Variants in PPM1H observed in about 807,000 individuals in gnomAD.
The protein encoded by PPM1H is protein phosphatase, Mg2+/Mn2+ dependent 1H.
Under a neutral mutation model 54.9 loss-of-function variants are expected in PPM1H, and 27 were observed. The observed-to-expected ratio is 0.49, with a 90% CI of 0.36 to 0.68. The LOEUF is 0.68. PPM1H is among the 30% of genes least tolerant of loss of function. The pLI, the probability that PPM1H is intolerant of heterozygous loss-of-function variation, is 0.00. For missense variants in PPM1H, 596 were observed against 667.8 expected, an observed-to-expected ratio of 0.89 and a Z score of 1.19; for synonymous variants, 305 against 270.8, an observed-to-expected ratio of 1.13 and a Z score of -1.24.
intron 1 of PPM1H, among the ~76,000 whole-genome samples, chr12:62,860,269 A>AC (rs1234729255): frequency 6.6e-6 from 1 of 151,994 alleles, no homozygotes; most frequent in Non-Finnish European, 1.5e-5. Context: ...GGGGGTAACC[A>AC]CCCCCACGAT....
At chr12:62,694,065 C>T (rs969543795) in intron 6 of PPM1H, 66 bp from the exon 7 acceptor site, 71 of 1,388,632 alleles carry the variant, frequency 5.1e-5, no homozygotes, top group Non-Finnish European at 6.6e-5. Context: ...GCCCTGACAC[C>T]GACTGCTAGG....
chr12:62,665,411 G>T (rs2075912349), intron 9 of PPM1H, among the ~76,000 whole-genome samples: 1 of 152,104 alleles, frequency 6.6e-6, no homozygotes, highest in African/African-American at 2.4e-5. Flanking sequence ...TGAATCTTAG[G>T]TTTAGTATTG....
chr12:62,667,132 G>A, intron 9 of PPM1H, 46 bp downstream of exon 9: 11 of 1,494,616 alleles, frequency 7.4e-6, no homozygotes, highest in South Asian at 1.2e-5. Flanking sequence ...GCATGTCATG[G>A]AAGAATGCTT....
intron 1 of PPM1H, among the ~76,000 whole-genome samples, chr12:62,890,743 CACACACACACACAT>C (rs1870762928): frequency 2.0e-5 from 3 of 148,562 alleles, no homozygotes; most frequent in African/African-American, 7.8e-5. Flanking sequence ...CACACACACA[CACACACACACACAT>C]ATATATATAT....
rs1376035965 is a variant in PPM1H, at chr12:62,844,931, C to G, written c.246-12652G>C. ...ATAAGCACTTCTACTAGGAAATGAG[C>G]TTGGGAGTAGGATATGTTAAAGTGA... On this transcript the variant is annotated intron_variant, in intron 1 of 9. Coordinates refer to ENST00000228705, the MANE Select transcript of PPM1H (RefSeq NM_020700.2). This position sits in a 1 kb window ranked among gnomAD's most constrained non-coding sequence, Gnocchi z 5.2. 6.6e-6 allele frequency among the ~76,000 whole-genome samples: 1 copy of G among 152,178 alleles called. No individual in the cohort carries two copies. The highest frequency in any genetic ancestry group is 2.4e-5 in the African/African-American group (1 of 41,458).
At chr12:62,929,987 G>C (rs1872082727) in intron 1 of PPM1H, among the ~76,000 whole-genome samples, 2 of 152,138 alleles carry the variant, frequency 1.3e-5, no homozygotes, top group South Asian at 4.1e-4. Flanking sequence ...GTCAGTAAGA[G>C]GGGCAGGTAT....
chr12:62,665,298 C>A (rs577149896), intron 9 of PPM1H, among the ~76,000 whole-genome samples: 1 of 152,310 alleles, frequency 6.6e-6, no homozygotes, highest in South Asian at 2.1e-4. Context: ...ATCTGCCCGC[C>A]TCCACCTCCC....
At chr12:62,727,193 A>C (rs1165107349) in intron 5 of PPM1H, among the ~76,000 whole-genome samples, 1 of 152,160 alleles carries the variant, frequency 6.6e-6, no homozygotes, top group Non-Finnish European at 1.5e-5. Context: ...GCCATGAGCC[A>C]CCATGCCCGG....
At chr12:62,861,933 A>T (rs1490932089) in intron 1 of PPM1H, among the ~76,000 whole-genome samples, 1 of 152,242 alleles carries the variant, frequency 6.6e-6, no homozygotes, top group Admixed American at 6.5e-5. Context: ...GATTTTTGAA[A>T]ATACAATGTG....
At chr12:62,657,357 T>A (rs1214307292) in intron 9 of PPM1H, among the ~76,000 whole-genome samples, 1 of 152,216 alleles carries the variant, frequency 6.6e-6, no homozygotes, top group Non-Finnish European at 1.5e-5. Flanking sequence ...GGAAGCCCTG[T>A]AAAACATCCT....
intron 4 of PPM1H, chr12:62,756,248 C>G (rs2076473758): frequency 2.7e-6 from 2 of 737,812 alleles, no homozygotes; most frequent in Non-Finnish European, 4.8e-6. Flanking sequence ...CCTGGACTAC[C>G]AACCCCAGCG....
chr12:62,731,039 G>T (rs2076317914), intron 5 of PPM1H, among the ~76,000 whole-genome samples: 1 of 152,200 alleles, frequency 6.6e-6, no homozygotes, highest in South Asian at 2.1e-4. Context: ...AACCGAGCTT[G>T]TATATATAAG....
intron 5 of PPM1H, chr12:62,720,990 C>T (rs2076260492): frequency 6.6e-6 from 1 of 152,370 alleles, no homozygotes; most frequent in African/African-American, 2.4e-5. Context: ...GTACTAACTT[C>T]TCTACTCAGA....
intron 2 of PPM1H, among the ~76,000 whole-genome samples, chr12:62,830,799 A>G (rs1868345628): frequency 6.6e-6 from 1 of 152,240 alleles, no homozygotes; most frequent in Admixed American, 6.5e-5. Context: ...TAGGACTAAC[A>G]AAATAAATCA....
At chr12:62,685,009 G>A (rs2076043391) in intron 8 of PPM1H, among the ~76,000 whole-genome samples, 1 of 151,792 alleles carries the variant, frequency 6.6e-6, no homozygotes, top group Non-Finnish European at 1.5e-5. Context: ...CCTTCTAACA[G>A]TTCCACCCCC....
At chr12:62,896,461 A>G (rs974589821) in intron 1 of PPM1H, among the ~76,000 whole-genome samples, 4 of 152,226 alleles carry the variant, frequency 2.6e-5, no homozygotes, top group Non-Finnish European at 5.9e-5. Flanking sequence ...ACACTTCTCA[A>G]AAGAAGACAT....
chr12:62,807,290 T>C (rs1357587381), intron 2 of PPM1H, among the ~76,000 whole-genome samples: 2 of 152,168 alleles, frequency 1.3e-5, no homozygotes, highest in African/African-American at 4.8e-5. Context: ...TTTTAAAAGA[T>C]CACTCAAGCT....
intron 6 of PPM1H, among the ~76,000 whole-genome samples, chr12:62,702,544 C>CAGAGAGAG (rs66497730): frequency 0.059 from 8,237 of 140,610 alleles, 299 homozygotes; most frequent in Non-Finnish European, 0.074. Flanking sequence ...CCTTGAGCTA[C>CAGAGAGAG]AGAGAGAGAG....
At chr12:62,698,981 T>G (rs1313797350) in intron 6 of PPM1H, among the ~76,000 whole-genome samples, 2 of 152,168 alleles carry the variant, frequency 1.3e-5, no homozygotes, top group Non-Finnish European at 2.9e-5. Flanking sequence ...TATATCATGT[T>G]AAATTTGATA....
Sources: allele counts gnomAD v4.1 joint callset (sites outside exome capture counted in the v4.1 genomes callset), GRCh38; gene constraint gnomAD v4.1.1; non-coding constraint Gnocchi (gnomAD v3.1); transcripts MANE v1.5; gene names NCBI Gene and HGNC (gene_info 2026-07-23, HGNC 2026-07-21).